PARVG: variants seen among roughly 807,000 people sequenced by gnomAD.
PARVG encodes gamma-parvin.
In PARVG, 36 loss-of-function variants were observed where a neutral mutation model predicts 44.4. The observed-to-expected ratio is 0.81, with a 90% CI of 0.62 to 1.07. PARVG has a LOEUF of 1.07. PARVG is among the 50% of genes least tolerant of loss of function. The pLI, the probability that PARVG is intolerant of heterozygous loss-of-function variation, is 0.00. For missense variants in PARVG, 407 were observed against 407.4 expected (o/e 1.00, Z 0.01); for synonymous variants, 170 against 174.1 (o/e 0.98, Z 0.19).
chr22:44,201,623 C>G (rs1296105540), intron 12 of PARVG, among the ~76,000 whole-genome samples: 1 of 152,184 alleles, frequency 6.6e-6, no homozygotes, highest in Non-Finnish European at 1.5e-5. Context: ...TTCGGAGGAG[C>G]TGCATCAGCC....
chr22:44,186,448 C>T (rs566243195), intron 4 of PARVG: 155 of 417,560 alleles, frequency 3.7e-4, no homozygotes, highest in African/African-American at 2.8e-3. Context: ...CACATGGCCT[C>T]TCTGTTGCCT....
rs926679139 is a variant in PARVG at position 44,187,498 on chromosome 22, G to A, written c.145-278G>A. ...TCCCCATTTTTGGGTATTTGCTATGGTAGTACCCCACTTCCTGGTACTAAA... is the reference window on the plus strand; with the variant it reads ...TCCCCATTTTTGGGTATTTGCTATGATAGTACCCCACTTCCTGGTACTAAA... On this transcript the variant is annotated intron_variant, in intron 4 of 13. Transcript: ENST00000444313. The A allele has an allele frequency of 1.9e-5, 10 of 518,078 alleles. No homozygotes were observed. In the Admixed American group the frequency reaches 2.6e-4, roughly 13 times the overall value. 32.1% of individuals were successfully genotyped at this position (518,078 alleles called of 1,614,324 possible).
chr22:44,193,362 G>A (rs1243293233), intron 8 of PARVG, among the ~76,000 whole-genome samples: 1 of 152,170 alleles, frequency 6.6e-6, no homozygotes, highest in Non-Finnish European at 1.5e-5. Context: ...AAGAGAAATC[G>A]CAGCTGTGGT....
chr22:44,182,018 C>T lies in PARVG; in HGVS notation c.-13+101C>T. On this transcript the variant is annotated intron_variant, in intron 2 of 13. Coordinates refer to ENST00000444313, the MANE Select transcript of PARVG (RefSeq NM_022141.7). The surrounding 1 kb of genome is among the most constrained non-coding windows in gnomAD (Gnocchi z 4.6). ...AGGATCCCAGAGTGCAGTCCCAGCC[C>T]AGGCCACCCGGGGAAGGGAGTCGGT... 1.1e-6 allele frequency: 1 copy of T among 934,540 alleles called. No homozygotes were observed. The highest frequency in any genetic ancestry group is 1.3e-6 in the Non-Finnish European group (1 of 783,576). 57.9% of individuals were successfully genotyped at this position (934,540 alleles called of 1,614,324 possible).
At chr22:44,175,823 A>G (rs2054313882) in intron 1 of PARVG, among the ~76,000 whole-genome samples, 1 of 152,224 alleles carries the variant, frequency 6.6e-6, no homozygotes, top group Non-Finnish European at 1.5e-5. Context: ...ATCTGGGCAT[A>G]GAGGCGGGTA....
At chr22:44,177,569 T>G (rs2054330236), upstream of PARVG, among the ~76,000 whole-genome samples, 1 of 152,208 alleles carries the variant, frequency 6.6e-6, no homozygotes, top group Non-Finnish European at 1.5e-5. Context: ...TCCAAGCCAG[T>G]TATGTTCCAG....
rs967129078 is a variant in PARVG at position 44,189,115 on chromosome 22, G to A, written c.249G>A (p.Gln83=). 1.9e-6 allele frequency: 3 copies of A among 1,613,286 alleles called. No homozygotes were observed. Among genetic ancestry groups the A allele is most frequent in the African/African-American group, 2.7e-5 (2 of 74,940 alleles). ...FDGLILHHLF[Q]RLAALKLEAE... is the part of the protein sequence containing the mutation. ...CTCACCACCCTCTCCTGCCTCCAGAGAGGCTGGCGGCGCTCAAGCTGGAAG... is the reference window on the plus strand; with the variant it reads ...CTCACCACCCTCTCCTGCCTCCAGAAAGGCTGGCGGCGCTCAAGCTGGAAG... The change falls in exon 6 of 14, where the codon CAG becomes CAA. Residue 83 remains glutamine, a splice_region_variant and synonymous_variant. Coordinates refer to ENST00000444313, the MANE Select transcript of PARVG (RefSeq NM_022141.7).
intron 8 of PARVG, among the ~76,000 whole-genome samples, chr22:44,193,569 A>T (rs2054578263): frequency 6.6e-6 from 1 of 152,156 alleles, no homozygotes; most frequent in Non-Finnish European, 1.5e-5. Context: ...CAAAGTCCAA[A>T]TGTTTCTAGG....
chr22:44,197,280 A>G (rs1210223524), intron 11 of PARVG, among the ~76,000 whole-genome samples: 1 of 152,036 alleles, frequency 6.6e-6, no homozygotes, highest in Non-Finnish European at 1.5e-5. Context: ...AAAACCAATA[A>G]AGCCCTCACT....
At chr22:44,179,156 T>A (rs2054345289), upstream of PARVG, among the ~76,000 whole-genome samples, 1 of 151,922 alleles carries the variant, frequency 6.6e-6, no homozygotes, top group Non-Finnish European at 1.5e-5. This position sits in a 1 kb window ranked among gnomAD's most constrained non-coding sequence, Gnocchi z 4.2. Context: ...ATAATTCCCT[T>A]CTATCCATGC....
chr22:44,202,129 A>G (rs899430945), intron 12 of PARVG, among the ~76,000 whole-genome samples: 1 of 152,244 alleles, frequency 6.6e-6, no homozygotes, highest in Non-Finnish European at 1.5e-5. Context: ...CACAGAGGAA[A>G]CAGTTGAGAG....
chr22:44,194,050 T>A (rs571851672), intron 9 of PARVG, among the ~76,000 whole-genome samples: 5 of 152,316 alleles, frequency 3.3e-5, no homozygotes. Context: ...GATTTATAAT[T>A]CACATGGGCA....
intron 6 of PARVG, 112 bp downstream of exon 6, chr22:44,189,366 T>C: frequency 6.8e-7 from 1 of 1,467,596 alleles, no homozygotes; most frequent in Non-Finnish European, 9.2e-7. Flanking sequence ...CCAGCAGGGG[T>C]ACAACCTGGG....
At chr22:44,185,969 T>C (rs1601731012) in intron 4 of PARVG, 97 bp downstream of exon 4, 5 of 1,249,928 alleles carry the variant, frequency 4.0e-6, no homozygotes, top group South Asian at 2.6e-5. Flanking sequence ...TCCCCACTCC[T>C]TGGCCTCAGG....
At chr22:44,185,618 G>A in intron 3 of PARVG, 190 bp from the exon 4 acceptor site, 1 of 533,254 alleles carries the variant, frequency 1.9e-6, no homozygotes, top group Non-Finnish European at 3.4e-6. Flanking sequence ...ATGTCTCAAA[G>A]TATAAATGCT....
intron 12 of PARVG, among the ~76,000 whole-genome samples, chr22:44,205,230 C>T (rs181716946): frequency 1.3e-5 from 2 of 152,284 alleles, no homozygotes; most frequent in African/African-American, 2.4e-5. Flanking sequence ...CTGGTTTGAG[C>T]GCTTTCTGTC....
At chr22:44,206,189 C>A (rs2054778502) in intron 13 of PARVG, 128 bp from the exon 14 acceptor site, 1 of 719,160 alleles carries the variant, frequency 1.4e-6, no homozygotes, top group South Asian at 1.7e-5. Context: ...ACCAGCTGTC[C>A]TGGCTTCCAG....
intron 6 of PARVG, among the ~76,000 whole-genome samples, chr22:44,190,147 A>G (rs915995071): frequency 6.6e-5 from 10 of 152,248 alleles, no homozygotes; most frequent in African/African-American, 2.4e-4. Context: ...ATGCGCCTGC[A>G]TTCGCAGCCT....
chr22:44,188,934 G>GTACCATTA, intron 5 of PARVG, 180 bp from the exon 6 acceptor site: 1 of 658,514 alleles, frequency 1.5e-6, no homozygotes, highest in South Asian at 2.4e-5. Flanking sequence ...GGGTCTCCTG[G>GTACCATTA]AAGCTGGAGG....
Sources: gnomAD v4.1 joint callset for allele counts (sites outside exome capture counted in the v4.1 genomes callset) on GRCh38, gnomAD v4.1.1 for gene constraint, Gnocchi (gnomAD v3.1) non-coding constraint, MANE v1.5 for transcripts, NCBI Gene and HGNC (gene_info 2026-07-23, HGNC 2026-07-21) for gene names.